The following UCK2 variants were observed in gnomAD, a reference collection of about 807,000 sequenced individuals.
UCK2 encodes the protein uridine-cytidine kinase 2.
Under a neutral mutation model 30.8 loss-of-function variants are expected in UCK2, and 6 were observed. The observed-to-expected ratio is 0.19, with a 90% CI of 0.11 to 0.38. The LOEUF (loss-of-function observed/expected upper bound fraction) is 0.38. UCK2 is among the 10% of genes least tolerant of loss of function. The pLI is 1.00. For missense variants in UCK2, 210 were observed against 339.8 expected (o/e 0.62, Z 3.00); for synonymous variants, 125 against 133.6 (o/e 0.94, Z 0.45).
In UCK2 at chr1:165,827,676, C is replaced by G. The variant is rs993227281; in HGVS notation, c.-158C>G. The stretch of plus-strand genomic sequence containing the variant: ...TTGGCTCCTTCGGGAAACCCAGCCC[C>G]GTCACCGGGCTCCGAGCGGCTCGCA... On this transcript the variant is annotated 5_prime_UTR_variant, in exon 1 of 7. Coordinates refer to ENST00000367879, the MANE Select transcript of UCK2 (RefSeq NM_012474.5). 3.6e-6 allele frequency: 2 copies of G among 548,448 alleles called. No homozygotes were observed. Among genetic ancestry groups the G allele is most frequent in the Non-Finnish European group, 5.5e-6 (2 of 360,736 alleles). 34.0% of individuals were successfully genotyped at this position (548,448 alleles called of 1,614,324 possible).
intron 1 of UCK2, among the ~76,000 whole-genome samples, chr1:165,875,904 T>A (rs1655321456): frequency 6.6e-6 from 1 of 152,032 alleles, no homozygotes; most frequent in Non-Finnish European, 1.5e-5. Context: ...TGCTTAGCCC[T>A]CTCAGGGGAG....
At chr1:165,853,352 T>C (rs1003228342) in intron 1 of UCK2, among the ~76,000 whole-genome samples, 2 of 150,834 alleles carry the variant, frequency 1.3e-5, no homozygotes, top group African/African-American at 4.9e-5. Context: ...CAGGCATATT[T>C]GATATTTTTT....
At chr1:165,905,130 T>A (rs569306246) in intron 5 of UCK2, among the ~76,000 whole-genome samples, 1 of 152,334 alleles carries the variant, frequency 6.6e-6, no homozygotes, top group Admixed American at 6.5e-5. Context: ...ATTAAGTGTT[T>A]GGCTTCAAAG....
At chr1:165,833,388 T>A (rs917710699) in intron 1 of UCK2, among the ~76,000 whole-genome samples, 21 of 152,124 alleles carry the variant, frequency 1.4e-4, no homozygotes. Context: ...ATTTGCTGTC[T>A]GCTCTGCCTG....
At chr1:165,903,055 A>T in intron 4 of UCK2, 127 bp from the exon 5 acceptor site, 2 of 691,268 alleles carry the variant, frequency 2.9e-6, no homozygotes, top group East Asian at 5.2e-5. Context: ...CAAGCCTCTC[A>T]GGATTCCAGC....
chr1:165,865,054 T>C (rs1655017336), intron 1 of UCK2, among the ~76,000 whole-genome samples: 1 of 152,156 alleles, frequency 6.6e-6, no homozygotes, highest in Non-Finnish European at 1.5e-5. Flanking sequence ...ATACTGAACA[T>C]CTCCCATATT....
intron 2 of UCK2, chr1:165,890,886 C>T: frequency 3.4e-6 from 1 of 292,756 alleles, no homozygotes; most frequent in Non-Finnish European, 6.5e-6. Context: ...TGTGTACTCC[C>T]CCAGTCATGG....
At chr1:165,860,910 A>G (rs1450336800) in intron 1 of UCK2, among the ~76,000 whole-genome samples, 1 of 152,210 alleles carries the variant, frequency 6.6e-6, no homozygotes, top group African/African-American at 2.4e-5. Context: ...AGTAAGTATA[A>G]TACTTGAAAC....
chr1:165,852,082 C>A (rs1654610865), intron 1 of UCK2, among the ~76,000 whole-genome samples: 1 of 152,136 alleles, frequency 6.6e-6, no homozygotes, highest in Non-Finnish European at 1.5e-5. Context: ...GATTTATATT[C>A]CTTTGGGTGC....
chr1:165,867,299 A>G (rs904983169), intron 1 of UCK2, among the ~76,000 whole-genome samples: 2 of 152,122 alleles, frequency 1.3e-5, no homozygotes, highest in South Asian at 4.1e-4. Flanking sequence ...GGCTATTGCA[A>G]TTTCTTAAAG....
intron 1 of UCK2, chr1:165,885,227 G>A: frequency 2.5e-6 from 1 of 393,504 alleles, no homozygotes; most frequent in East Asian, 3.6e-5. Context: ...TGCAGTTGGA[G>A]TTAGACCTAT....
chr1:165,848,529 G>A (rs368237206), intron 1 of UCK2, among the ~76,000 whole-genome samples: 47 of 152,078 alleles, frequency 3.1e-4, no homozygotes, highest in African/African-American at 1.1e-3. Context: ...CTACTCAGGA[G>A]GCTGAGGCAG....
intron 1 of UCK2, among the ~76,000 whole-genome samples, chr1:165,867,530 A>G (rs1655076229): frequency 6.6e-6 from 1 of 152,244 alleles, no homozygotes; most frequent in Non-Finnish European, 1.5e-5. Flanking sequence ...AGCTTATGGA[A>G]TATTCTAAAT....
chr1:165,859,741 G>A (rs1167377547), intron 1 of UCK2, among the ~76,000 whole-genome samples: 1 of 152,154 alleles, frequency 6.6e-6, no homozygotes, highest in African/African-American at 2.4e-5. Context: ...GTAGGGGGAA[G>A]CTGAGGTAGG....
chr1:165,839,960 G>A (rs1344052348), intron 1 of UCK2, among the ~76,000 whole-genome samples: 2 of 152,180 alleles, frequency 1.3e-5, no homozygotes, highest in Non-Finnish European at 2.9e-5. Flanking sequence ...GAGTCCTGCT[G>A]TGCTGCCCAG....
rs1194780960 is a variant in UCK2 at position 165,891,333 on chromosome 1, T to C, written c.356+11T>C. The C allele has an allele frequency of 6.2e-7, 1 of 1,612,856 alleles. No homozygotes were observed. Among genetic ancestry groups the C allele is most frequent in the Non-Finnish European group, 8.5e-7 (1 of 1,178,786 alleles). On this transcript the variant is annotated intron_variant, in intron 3 of 6. Transcript: ENST00000367879. ...TGTCTCCCATTCCCGGTAAGTGAGCTGTTCTGGGCCAGGGATGGCACCCAC... is the reference window on the plus strand; with the variant it reads ...TGTCTCCCATTCCCGGTAAGTGAGCCGTTCTGGGCCAGGGATGGCACCCAC...
chr1:165,843,172 C>G (rs908399424), intron 1 of UCK2, among the ~76,000 whole-genome samples: 1 of 152,076 alleles, frequency 6.6e-6, no homozygotes, highest in Non-Finnish European at 1.5e-5. Flanking sequence ...GTCCATTGTG[C>G]CTAGAATATT....
intron 1 of UCK2, among the ~76,000 whole-genome samples, chr1:165,857,796 A>T (rs780028658): frequency 1.3e-5 from 2 of 152,156 alleles, no homozygotes; most frequent in Non-Finnish European, 2.9e-5. Flanking sequence ...GACATCTGTC[A>T]TTCTACCCTA....
chr1:165,859,750 G>C (rs1385437509), intron 1 of UCK2, among the ~76,000 whole-genome samples: 1 of 152,112 alleles, frequency 6.6e-6, no homozygotes, highest in East Asian at 1.9e-4. Flanking sequence ...AGCTGAGGTA[G>C]GAGAGAATCA....
Sources: allele counts gnomAD v4.1 joint callset (sites outside exome capture counted in the v4.1 genomes callset), GRCh38; gene constraint gnomAD v4.1.1; transcripts MANE v1.5; gene names NCBI Gene and HGNC (gene_info 2026-07-23, HGNC 2026-07-21).